Variants in NDRG3 observed in about 807,000 individuals in gnomAD.
NDRG3 encodes protein NDRG3.
NDRG3 carries 23 observed loss-of-function variants against 57.2 expected under a neutral mutation model. The ratio of observed to expected loss-of-function variants is 0.40; its 90% CI spans 0.29 to 0.57. The LOEUF (loss-of-function observed/expected upper bound fraction) is 0.57, where lower values mean the gene tolerates loss of function less well. Ranked by LOEUF, NDRG3 falls within the 20% of genes least tolerant of loss-of-function variation. NDRG3 has a pLI of 0.42. For missense variants in NDRG3, 384 were observed against 457.3 expected (o/e 0.84, Z 1.46); for synonymous variants, 132 against 162.6 (o/e 0.81, Z 1.43).
At position 36,691,638 on chromosome 20, in the gene NDRG3, G is replaced by A. The variant is rs563034481; in HGVS notation, c.94-2854C>T. Among the ~76,000 whole-genome samples, 9 of 152,218 alleles carry A rather than the reference G, an allele frequency of 5.9e-5. No homozygotes were observed. In the South Asian group the frequency reaches 1.9e-3, roughly 32 times the overall value. ...TGAGGCAGAAGAATTGCTTGAACCCGGGAGGCAGAGGTTACAGTGAGCCGA... is the reference window on the plus strand; with the variant it reads ...TGAGGCAGAAGAATTGCTTGAACCCAGGAGGCAGAGGTTACAGTGAGCCGA... On this transcript the variant is annotated intron_variant, in intron 3 of 15. Transcript: ENST00000349004.
At chr20:36,665,969 T>C (rs1446789982) in intron 10 of NDRG3, among the ~76,000 whole-genome samples, 1 of 152,200 alleles carries the variant, frequency 6.6e-6, no homozygotes, top group Non-Finnish European at 1.5e-5. Flanking sequence ...AGGGGTGTTT[T>C]CCTTGTAACT....
intron 3 of NDRG3, among the ~76,000 whole-genome samples, chr20:36,705,432 A>T (rs2148166113): frequency 6.6e-6 from 1 of 152,270 alleles, no homozygotes; most frequent in East Asian, 1.9e-4. Context: ...TACAGTAGGT[A>T]CTCAAATTAT....
chr20:36,703,729 G>A (rs1316658874), intron 3 of NDRG3, among the ~76,000 whole-genome samples: 1 of 152,154 alleles, frequency 6.6e-6, no homozygotes, highest in Non-Finnish European at 1.5e-5. Flanking sequence ...TGGGATTACA[G>A]GCATGAGCCA....
intron 1 of NDRG3, among the ~76,000 whole-genome samples, chr20:36,726,465 C>A (rs937607724): frequency 3.3e-5 from 5 of 152,124 alleles, no homozygotes; most frequent in Non-Finnish European, 7.4e-5. Context: ...CATTTTTGCT[C>A]CGCTTTCAAT....
intron 6 of NDRG3, 127 bp downstream of exon 6, chr20:36,684,286 C>A: frequency 2.9e-6 from 2 of 699,216 alleles, no homozygotes; most frequent in East Asian, 2.7e-5. Context: ...TTACTTGTTA[C>A]CCCACTAAGC....
At chr20:36,688,871 T>C in intron 3 of NDRG3, 87 bp from the exon 4 acceptor site, 1 of 925,774 alleles carries the variant, frequency 1.1e-6, no homozygotes, top group Non-Finnish European at 1.8e-6. Context: ...TTACCACCGT[T>C]TCCCACGAGC....
intron 1 of NDRG3, among the ~76,000 whole-genome samples, chr20:36,724,726 G>A (rs901003432): frequency 4.0e-5 from 6 of 150,870 alleles, no homozygotes; most frequent in Non-Finnish European, 7.4e-5. Context: ...TCAGGAGTTC[G>A]AGACCAGCCT....
chr20:36,716,741 GAGGA>G (rs1190214967), intron 2 of NDRG3, among the ~76,000 whole-genome samples: 3 of 152,126 alleles, frequency 2.0e-5, no homozygotes. Context: ...CTAGTAGGTA[GAGGA>G]AGGCAGGGAA....
At position 36,689,717 on chromosome 20, in the gene NDRG3, ATT is replaced by A. The variant is rs11366908; in HGVS notation, c.94-935_94-934del. On this transcript the variant is annotated intron_variant, in intron 3 of 15. Transcript: ENST00000349004. ...AGCACCTTTCCCTTGGAACTAAGAGATTTTTTTTTTTTTTTTTTTTTGAGACA... is the reference window on the plus strand; with the variant it reads ...AGCACCTTTCCCTTGGAACTAAGAGATTTTTTTTTTTTTTTTTTTGAGACA... 9.2e-3 allele frequency among the ~76,000 whole-genome samples: 898 copies of A among 97,208 alleles called. 3 individuals are homozygous for A. The highest frequency in any genetic ancestry group is 0.022 in the African/African-American group (601 of 26,846). 63.8% of individuals were successfully genotyped at this position (97,208 alleles called of 152,430 possible).
chr20:36,700,033 G>C (rs1983109141), intron 3 of NDRG3, among the ~76,000 whole-genome samples: 1 of 148,758 alleles, frequency 6.7e-6, no homozygotes, highest in South Asian at 2.1e-4. Flanking sequence ...AGAATTGCTT[G>C]AACCCAGGAG....
intron 2 of NDRG3, among the ~76,000 whole-genome samples, chr20:36,710,272 C>T (rs1228103286): frequency 6.6e-6 from 1 of 151,964 alleles, no homozygotes; most frequent in African/African-American, 2.4e-5. Context: ...TGCAGTGAGC[C>T]GAGATCGCAC....
chr20:36,703,007 A>T (rs529753677), intron 3 of NDRG3, among the ~76,000 whole-genome samples: 1 of 152,070 alleles, frequency 6.6e-6, no homozygotes, highest in Admixed American at 6.6e-5. Context: ...TTTAGTAGAG[A>T]CAGGGTTTCA....
chr20:36,653,353 A>C lies in NDRG3; in HGVS notation c.*167T>G, dbSNP rs1978369013. ...AAGTGGTTCTTGGGCTATACAAAAA[A>C]GGGGGTGGGCAGGCAGAGAGAATGA... On this transcript the variant is annotated 3_prime_UTR_variant, in exon 16 of 16. Coordinates refer to ENST00000349004, the MANE Select transcript of NDRG3 (RefSeq NM_032013.4). The surrounding 1 kb of genome is among the most constrained non-coding windows in gnomAD (Gnocchi z 4.2). The C allele has an allele frequency of 3.3e-6, 2 of 602,262 alleles. No individual in the cohort carries two copies. The highest frequency in any genetic ancestry group is 5.6e-5 in the East Asian group (2 of 35,458). The allele number at this position is 602,262 out of a possible 1,614,324, so 37.3% of individuals were successfully genotyped here.
intron 2 of NDRG3, among the ~76,000 whole-genome samples, chr20:36,715,146 A>G (rs1984196423): frequency 6.7e-6 from 1 of 150,362 alleles, no homozygotes; most frequent in Non-Finnish European, 1.5e-5. Flanking sequence ...GGATACTTGG[A>G]TAAAACTATC....
intron 8 of NDRG3, among the ~76,000 whole-genome samples, chr20:36,677,930 T>C (rs899116368): frequency 3.3e-5 from 5 of 152,192 alleles, no homozygotes; most frequent in African/African-American, 1.2e-4. Flanking sequence ...ATTTTTTCCT[T>C]ATTCCCACTT....
intron 9 of NDRG3, among the ~76,000 whole-genome samples, chr20:36,667,187 A>C (rs765256078): frequency 1.5e-4 from 23 of 152,214 alleles, no homozygotes; most frequent in Non-Finnish European, 3.1e-4. Flanking sequence ...ACCACCATTT[A>C]ATATTACACA....
chr20:36,742,443 G>A (rs758122975), intron 1 of NDRG3, among the ~76,000 whole-genome samples: 161 of 152,034 alleles, frequency 1.1e-3, no homozygotes, highest in Non-Finnish European at 1.8e-3. Flanking sequence ...GGTGCCCCCC[G>A]CCACCTTTCT....
At chr20:36,725,065 G>A (rs190814318) in intron 1 of NDRG3, among the ~76,000 whole-genome samples, 1 of 152,164 alleles carries the variant, frequency 6.6e-6, no homozygotes, top group African/African-American at 2.4e-5. Flanking sequence ...GGAGGCCGAG[G>A]CAGGTGGATC....
At chr20:36,684,604 C>T (rs1415871120) in intron 5 of NDRG3, 129 bp from the exon 6 acceptor site, 6 of 752,378 alleles carry the variant, frequency 8.0e-6, no homozygotes, top group African/African-American at 3.5e-5. Flanking sequence ...AATCCCAGCA[C>T]TTTGGGACAC....
Sources: allele counts gnomAD v4.1 joint callset (sites outside exome capture counted in the v4.1 genomes callset), GRCh38; gene constraint gnomAD v4.1.1; non-coding constraint Gnocchi (gnomAD v3.1); transcripts MANE v1.5; gene names NCBI Gene and HGNC (gene_info 2026-07-23, HGNC 2026-07-21).